PHEX: variants seen among roughly 807,000 people sequenced by gnomAD.
PHEX encodes the protein phosphate-regulating neutral endopeptidase PHEX.
Under a neutral mutation model 68.0 loss-of-function variants are expected in PHEX, and 16 were observed. That is an observed-to-expected ratio of 0.24 (90% CI 0.16 to 0.36). The LOEUF (loss-of-function observed/expected upper bound fraction) is 0.36, where lower values mean the gene tolerates loss of function less well. Among genes scored for constraint, PHEX ranks in the 10% least tolerant of loss-of-function variants. The pLI is 1.00. For synonymous variants in PHEX, 208 were observed against 205.1 expected, an observed-to-expected ratio of 1.01 and a Z score of -0.12; for missense variants, 480 against 575.5, an observed-to-expected ratio of 0.83 and a Z score of 1.70.
At chrX:22,245,601 A>G (rs1213783238) in intron 21 of PHEX, among the ~76,000 whole-genome samples, 192 bp downstream of exon 21, 2 of 111,765 alleles carry the variant, frequency 1.8e-5, no homozygotes, top group Non-Finnish European at 3.8e-5. Flanking sequence ...ATTAGTAGTA[A>G]GCTGGTTTAG....
intron 17 of PHEX, among the ~76,000 whole-genome samples, chrX:22,221,354 A>G (rs1935261617): frequency 8.9e-6 from 1 of 112,380 alleles, no homozygotes; most frequent in Non-Finnish European, 1.9e-5. Flanking sequence ...TAAGACTAGT[A>G]TATGTAATAA....
chrX:22,174,177 G>A (rs1181356885), intron 13 of PHEX, among the ~76,000 whole-genome samples: 3 of 111,816 alleles, frequency 2.7e-5, no homozygotes, highest in Admixed American at 9.5e-5. Context: ...CAAAGGTCAC[G>A]CAATTGAAAA....
chrX:22,146,843 T>A (rs5901698), intron 12 of PHEX, among the ~76,000 whole-genome samples: 18,941 of 71,574 alleles, frequency 0.26, 3,252 homozygotes, highest in African/African-American at 0.69. Context: ...AAAATAAAAT[T>A]AATTAATTAA....
chrX:22,085,710 T>C (rs142438864), intron 5 of PHEX, among the ~76,000 whole-genome samples: 1,131 of 112,366 alleles, frequency 0.01, 22 homozygotes, highest in African/African-American at 0.035. Context: ...AGACTTACTT[T>C]GTGGCTTAAA....
intron 15 of PHEX, among the ~76,000 whole-genome samples, chrX:22,192,917 G>C (rs1016609018): frequency 9.0e-6 from 1 of 111,043 alleles, no homozygotes; most frequent in Admixed American, 9.7e-5. Context: ...GGCAGTTTCT[G>C]CCCGACTTCG....
chrX:22,177,210 G>T (rs770793433), intron 13 of PHEX, among the ~76,000 whole-genome samples: 2 of 111,371 alleles, frequency 1.8e-5, no homozygotes, highest in East Asian at 5.6e-4. Flanking sequence ...CCATCAAATT[G>T]CATATATACA....
chrX:22,093,904 T>C, intron 6 of PHEX, 79 bp from the exon 7 acceptor site: 1 of 614,307 alleles, frequency 1.6e-6, no homozygotes, highest in Admixed American at 2.3e-5. Flanking sequence ...CTACCTGCTA[T>C]TTTCTGCTCT....
At chrX:22,237,665 G>T (rs1936028450) in intron 20 of PHEX, among the ~76,000 whole-genome samples, 1 of 111,951 alleles carries the variant, frequency 8.9e-6, no homozygotes, top group African/African-American at 3.2e-5. Context: ...CAACTGCTCA[G>T]GACTTCAGAA....
chrX:22,045,029 T>G (rs189299540), intron 2 of PHEX, among the ~76,000 whole-genome samples: 2,492 of 106,886 alleles, frequency 0.023, 32 homozygotes, highest in African/African-American at 0.054. Flanking sequence ...TGTTTTTTTT[T>G]TGTGTGTGTG....
At chrX:22,062,752 TTTTG>T (rs993950167) in intron 3 of PHEX, among the ~76,000 whole-genome samples, 6 of 110,472 alleles carry the variant, frequency 5.4e-5, no homozygotes, top group African/African-American at 1.6e-4. Flanking sequence ...GTGTTAGGAT[TTTTG>T]TTTGTTTGTT....
chrX:22,105,186 C>G (rs777595605), intron 9 of PHEX, among the ~76,000 whole-genome samples: 1 of 112,014 alleles, frequency 8.9e-6, no homozygotes, highest in African/African-American at 3.2e-5. Context: ...GGCTCTGCCC[C>G]AGACCTACTG....
At chrX:22,081,593 G>T (rs1196477687) in intron 5 of PHEX, among the ~76,000 whole-genome samples, 5 of 111,717 alleles carry the variant, frequency 4.5e-5, no homozygotes, top group African/African-American at 1.6e-4. Context: ...TGGGTGAGCA[G>T]ATGGTGCCTT....
chrX:22,224,229 C>T (rs751046588), intron 18 of PHEX, among the ~76,000 whole-genome samples: 24 of 111,764 alleles, frequency 2.1e-4, no homozygotes, highest in Admixed American at 6.6e-4. Context: ...GCAATCTGCC[C>T]GCCCCAGCCT....
At chrX:22,105,878 A>G (rs1321571480) in intron 9 of PHEX, among the ~76,000 whole-genome samples, 1 of 112,010 alleles carries the variant, frequency 8.9e-6, no homozygotes, top group Non-Finnish European at 1.9e-5. Flanking sequence ...TTTTGGATTT[A>G]TTCAGATTTT....
intron 11 of PHEX, among the ~76,000 whole-genome samples, chrX:22,116,986 T>C (rs1489873941): frequency 1.8e-5 from 2 of 111,957 alleles, no homozygotes; most frequent in Non-Finnish European, 3.8e-5. Flanking sequence ...CAAACCTTTA[T>C]GATTTAGCAG....
intron 3 of PHEX, among the ~76,000 whole-genome samples, chrX:22,058,799 C>T (rs1306406152): frequency 8.9e-6 from 1 of 111,965 alleles, no homozygotes; most frequent in Admixed American, 9.5e-5. Flanking sequence ...TAAAAAAATT[C>T]TACCAATTTC....
rs1208363743 is a variant in PHEX at position 22,209,784 on chromosome X, C to T, written c.1646-3120C>T. ...TCTCCTCCCTCTCCTCCCTCTCCTC[C>T]CTCTCTCTCTCCCTCTCCCTCTCCC... On this transcript the variant is annotated intron_variant, in intron 15 of 21. Coordinates refer to ENST00000379374, the MANE Select transcript of PHEX (RefSeq NM_000444.6). 1.1e-3 allele frequency among the ~76,000 whole-genome samples: 110 copies of T among 97,868 alleles called. 3 individuals carry two copies. The highest frequency in any genetic ancestry group is 4.0e-3 in the African/African-American group (102 of 25,689). The allele number at this position is 97,868 out of a possible 115,157, so 85.0% of individuals were successfully genotyped here.
intron 3 of PHEX, among the ~76,000 whole-genome samples, chrX:22,071,970 T>C (rs1394680620): frequency 2.7e-5 from 3 of 111,732 alleles, no homozygotes; most frequent in African/African-American, 9.8e-5. Flanking sequence ...CTCATGCCTG[T>C]AATCCCAGCA....
chrX:22,188,633 C>T (rs769762998), intron 14 of PHEX, among the ~76,000 whole-genome samples: 28 of 111,568 alleles, frequency 2.5e-4, no homozygotes, highest in Admixed American at 5.7e-4. Context: ...TTTGTTGGTA[C>T]GTAGTAGTTG....
Sources: allele counts gnomAD v4.1 joint callset (sites outside exome capture counted in the v4.1 genomes callset), GRCh38; gene constraint gnomAD v4.1.1; transcripts MANE v1.5; gene names NCBI Gene and HGNC (gene_info 2026-07-23, HGNC 2026-07-21).